PDE6A: variants seen among roughly 807,000 people sequenced by gnomAD.
The protein encoded by PDE6A is rod cGMP-specific 3',5'-cyclic phosphodiesterase subunit alpha.
A neutral mutation model predicts 106.3 loss-of-function variants in PDE6A; 84 were observed. The observed-to-expected ratio is 0.79, with a 90% CI of 0.66 to 0.95. The LOEUF is 0.95. Ranked by LOEUF, PDE6A falls within the 40% of genes least tolerant of loss-of-function variation. The pLI is 0.00. For missense variants in PDE6A, 1,052 were observed against 1,084.9 expected, an observed-to-expected ratio of 0.97 and a Z score of 0.43; for synonymous variants, 394 against 386.6, an observed-to-expected ratio of 1.02 and a Z score of -0.23.
At chr5:149,902,166 TC>T (rs1753001389) in intron 8 of PDE6A, among the ~76,000 whole-genome samples, 1 of 152,202 alleles carries the variant, frequency 6.6e-6, no homozygotes, top group Admixed American at 6.5e-5. Context: ...TAGAATCTTC[TC>T]CTGCCAGTCT....
intron 6 of PDE6A, among the ~76,000 whole-genome samples, chr5:149,914,178 C>T (rs1465780228): frequency 6.6e-6 from 1 of 152,164 alleles, no homozygotes; most frequent in African/African-American, 2.4e-5. Context: ...ACTCAGAGCA[C>T]CTGACTCACA....
rs1404377845 is a variant in PDE6A, at chr5:149,932,069, GACC to G, written c.718-904_718-902del. Reference sequence around the variant, plus strand: ...AGAAAGCTACAGTAATTGAATACACGACCATTTCTCTTTTAGCACGTTCTTTGT... The same window carrying G: ...AGAAAGCTACAGTAATTGAATACACGATTTCTCTTTTAGCACGTTCTTTGT... On this transcript the variant is annotated intron_variant, in intron 3 of 21. Transcript: ENST00000255266. 12 of 1,442,596 alleles carry G rather than the reference GACC, an allele frequency of 8.3e-6. No individual in the cohort carries two copies. In the African/African-American group the frequency reaches 8.4e-5, roughly 10 times the overall value. The allele number at this position is 1,442,596 out of a possible 1,614,324, so 89.4% of individuals were successfully genotyped here.
intron 1 of PDE6A, 68 bp downstream of exon 1, chr5:149,944,132 C>T: frequency 7.8e-7 from 1 of 1,281,154 alleles, no homozygotes; most frequent in South Asian, 1.2e-5. Context: ...ATGCCCCTCA[C>T]CCCACCTGTA....
In PDE6A at chr5:149,884,306, GTGTATATA is replaced by G. The variant is rs1387921259; in HGVS notation, c.2027+165_2027+172del. Among the ~76,000 whole-genome samples the G allele has an allele frequency of 7.1e-4, 103 of 144,648 alleles. 2 individuals carry two copies. Among genetic ancestry groups the G allele is most frequent in the Middle Eastern group, 7.3e-3 (2 of 274 alleles). 94.9% of individuals were successfully genotyped at this position (144,648 alleles called of 152,430 possible). A position where few individuals can be genotyped will look rare whatever the true frequency, so the allele number is the denominator to read the frequency against. ...TATATATGTGTATATATGTATATAT[GTGTATATA>G]TGTATATATGTGTATATATGTATAT... On this transcript the variant is annotated intron_variant, in intron 16 of 21. Transcript: ENST00000255266.
At chr5:149,893,327 T>C (rs1395906771) in intron 13 of PDE6A, among the ~76,000 whole-genome samples, 1 of 152,212 alleles carries the variant, frequency 6.6e-6, no homozygotes, top group Admixed American at 6.5e-5. Context: ...AGTATACACC[T>C]GTTGGACTCC....
At chr5:149,870,344 C>T (rs1369708512) in intron 17 of PDE6A, among the ~76,000 whole-genome samples, 2 of 152,160 alleles carry the variant, frequency 1.3e-5, no homozygotes, top group Non-Finnish European at 2.9e-5. Flanking sequence ...CACCTTTATG[C>T]TTTATAATAA....
Position 149,867,740 on chromosome 5 carries a change from C to T in PDE6A, c.2259G>A (p.Leu753=). 3 of 1,613,842 alleles carry T rather than the reference C, an allele frequency of 1.9e-6. No homozygotes were observed. The South Asian group carries it at 3.3e-5, about 18-fold the overall frequency. The part of the protein sequence containing the change: ...WEQGDLERTV[L]QQNPIPMMDR... ...GTCTACTCACAATGGGATTCTGTTG[C>T]AGCACCGTGCGCTCCAGGTCACCTT... The change falls in exon 19 of 22, where the codon CTG becomes CTA. Residue 753 remains leucine (L), a synonymous_variant. Transcript: ENST00000255266.
intron 17 of PDE6A, among the ~76,000 whole-genome samples, chr5:149,882,519 T>C (rs1760966157): frequency 6.6e-6 from 1 of 151,978 alleles, no homozygotes; most frequent in Non-Finnish European, 1.5e-5. Context: ...AAATTTACAC[T>C]TCTCACCCCA....
intron 1 of PDE6A, among the ~76,000 whole-genome samples, chr5:149,935,758 T>C (rs1051871952): frequency 1.1e-4 from 17 of 152,352 alleles, no homozygotes; most frequent in Admixed American, 9.1e-4. Flanking sequence ...GTTTTTGGAC[T>C]GTCAGCATTG....
At chr5:149,894,038 T>C (rs1437523234) in intron 13 of PDE6A, among the ~76,000 whole-genome samples, 2 of 152,214 alleles carry the variant, frequency 1.3e-5, no homozygotes, top group African/African-American at 2.4e-5. Context: ...GTACCAGTTA[T>C]AGGGAATTTA....
rs149659602 is a variant in PDE6A, at chr5:149,919,320, A to C, written c.933+2315T>G. Among the ~76,000 whole-genome samples the C allele has an allele frequency of 7.1e-3, 1,081 of 152,316 alleles. 36 individuals are homozygous for C. Among genetic ancestry groups the C allele is most frequent in the Admixed American group, 0.046 (698 of 15,302 alleles). ...TCAGGAGTCTGAGACCAGCCTGGCC[A>C]ACATAGTGAAACCTCATCTCTACTA... On this transcript the variant is annotated intron_variant, in intron 5 of 21. Coordinates refer to ENST00000255266, the MANE Select transcript of PDE6A (RefSeq NM_000440.3).
At chr5:149,919,702 C>G (rs1189534233) in intron 5 of PDE6A, among the ~76,000 whole-genome samples, 3 of 152,184 alleles carry the variant, frequency 2.0e-5, no homozygotes, top group African/African-American at 7.2e-5. Flanking sequence ...ACTGAGTCAT[C>G]AAGAGTACCT....
chr5:149,925,295 A>T, intron 4 of PDE6A, among the ~76,000 whole-genome samples: 1 of 152,266 alleles, frequency 6.6e-6, no homozygotes, highest in East Asian at 1.9e-4. Context: ...AATCAAGTAC[A>T]AAACAGAGAA....
chr5:149,895,786 A>T (rs1162563753), intron 12 of PDE6A, among the ~76,000 whole-genome samples: 1 of 151,868 alleles, frequency 6.6e-6, no homozygotes, highest in African/African-American at 2.4e-5. Context: ...TGAGAGAGAG[A>T]GAGAAAGAGG....
chr5:149,904,456 G>A (rs928001534), intron 7 of PDE6A, among the ~76,000 whole-genome samples: 1 of 152,126 alleles, frequency 6.6e-6, no homozygotes, highest in African/African-American at 2.4e-5. Flanking sequence ...GAGCACTGTG[G>A]GGCCACCGTG....
intron 5 of PDE6A, among the ~76,000 whole-genome samples, chr5:149,916,037 G>T (rs996316698): frequency 6.6e-6 from 1 of 152,156 alleles, no homozygotes; most frequent in Non-Finnish European, 1.5e-5. Context: ...CAGTGGCACA[G>T]TCATGGCTCA....
intron 17 of PDE6A, 81 bp downstream of exon 17, chr5:149,883,348 A>G (rs1374918165): frequency 3.3e-6 from 3 of 914,072 alleles, no homozygotes; most frequent in Non-Finnish European, 5.4e-6. Flanking sequence ...AGGCTTGTTG[A>G]GGGCAGCAAG....
chr5:149,933,916 C>T lies in PDE6A; in HGVS notation c.717+14G>A, dbSNP rs1754114462. 2.5e-6 allele frequency: 4 copies of T among 1,600,766 alleles called. No individual in the cohort carries two copies. The highest frequency in any genetic ancestry group is 1.7e-5 in the Admixed American group (1 of 59,782). ...GGACGAGTCAAGTCCATTCCCTTGG[C>T]CCAAGCCCCTTACCTGGCCACGTCG... On this transcript the variant is annotated intron_variant, in intron 3 of 21. Coordinates refer to ENST00000255266, the MANE Select transcript of PDE6A (RefSeq NM_000440.3).
In PDE6A at chr5:149,899,371, A is replaced by C; in HGVS notation, c.1263+4T>G. ...ACAGCAAAAGGCCTCCTAGCAAGCC[A>C]TACCTCCATGAGCGTCTCATCCATT... On this transcript the variant is annotated splice_donor_region_variant and intron_variant, in intron 9 of 21. Coordinates refer to ENST00000255266, the MANE Select transcript of PDE6A (RefSeq NM_000440.3). 1.9e-6 allele frequency: 3 copies of C among 1,614,132 alleles called. No individual in the cohort carries two copies. Among genetic ancestry groups the C allele is most frequent in the Non-Finnish European group, 2.5e-6 (3 of 1,179,990 alleles).
Sources: allele counts gnomAD v4.1 joint callset (sites outside exome capture counted in the v4.1 genomes callset), GRCh38; gene constraint gnomAD v4.1.1; transcripts MANE v1.5; gene names NCBI Gene and HGNC (gene_info 2026-07-23, HGNC 2026-07-21).